The following FAM3B variants were observed in gnomAD, a reference collection of about 807,000 sequenced individuals.
FAM3B encodes the protein FAM3 metabolism regulating signaling molecule B.
Under a neutral mutation model 28.4 loss-of-function variants are expected in FAM3B, and 29 were observed. That is an observed-to-expected ratio of 1.02 (90% CI 0.76 to 1.39). The LOEUF (loss-of-function observed/expected upper bound fraction) is 1.39. Among genes scored for constraint, FAM3B ranks in the 40% most tolerant of loss-of-function variants. The pLI, the probability that FAM3B is intolerant of heterozygous loss-of-function variation, is 0.00. For missense variants in FAM3B, 266 were observed against 293.9 expected (o/e 0.91, Z 0.69); for synonymous variants, 91 against 103.0 (o/e 0.88, Z 0.71).
chr21:41,347,630 G>A (rs547876424), intron 6 of FAM3B, among the ~76,000 whole-genome samples: 5 of 151,952 alleles, frequency 3.3e-5, no homozygotes, highest in African/African-American at 1.2e-4. Flanking sequence ...GCATGCACCT[G>A]TAGTCCCAGC....
chr21:41,310,121 C>T (rs2088701560), intron 1 of FAM3B, among the ~76,000 whole-genome samples: 1 of 152,188 alleles, frequency 6.6e-6, no homozygotes, highest in Non-Finnish European at 1.5e-5. Flanking sequence ...CCTTGCTCAG[C>T]CTCAACATCT....
chr21:41,321,986 ACTT>A (rs1271575565), intron 1 of FAM3B, among the ~76,000 whole-genome samples: 1 of 149,816 alleles, frequency 6.7e-6, no homozygotes, highest in Non-Finnish European at 1.5e-5. Context: ...TCCTTCTCTT[ACTT>A]CTTAGGACTG....
chr21:41,309,370 A>G (rs1322285422), intron 1 of FAM3B, among the ~76,000 whole-genome samples: 2 of 152,026 alleles, frequency 1.3e-5, no homozygotes, highest in Admixed American at 6.5e-5. Flanking sequence ...TTTCCTTCCC[A>G]CAGTGGGTCA....
upstream of FAM3B, among the ~76,000 whole-genome samples, chr21:41,313,904 G>A (rs1042955050): frequency 2.6e-5 from 4 of 152,148 alleles, no homozygotes; most frequent in African/African-American, 4.8e-5. Flanking sequence ...TATATGGTTT[G>A]CTGCTATAAT....
At chr21:41,350,188 C>T (rs1355162443) in intron 7 of FAM3B, among the ~76,000 whole-genome samples, 1 of 152,208 alleles carries the variant, frequency 6.6e-6, no homozygotes, top group Non-Finnish European at 1.5e-5. Context: ...TCCAGCTTTC[C>T]TGCCTCCTCC....
exon 1 of FAM3B, chr21:41,304,242 C>G (rs1439876226): frequency 2.2e-6 from 1 of 455,760 alleles, no homozygotes; most frequent in East Asian, 7.0e-5. Context: ...TGGCTGGGCT[C>G]GGCGGGCATG....
At chr21:41,314,774 A>AG (rs921043217), upstream of FAM3B, among the ~76,000 whole-genome samples, 3 of 149,892 alleles carry the variant, frequency 2.0e-5, no homozygotes, top group African/African-American at 5.0e-5. Flanking sequence ...AAAAAAAAAA[A>AG]AGAGAGAGAT....
chr21:41,321,776 G>C (rs2088808820), intron 1 of FAM3B, among the ~76,000 whole-genome samples: 1 of 152,206 alleles, frequency 6.6e-6, no homozygotes. Context: ...ATGGGTCGGG[G>C]ACAGCTGCGC....
rs140583569 is a variant in FAM3B, at chr21:41,305,882, A to T, written n.99+1572A>T. Among the ~76,000 whole-genome samples, 24 of 152,330 alleles carry T rather than the reference A, an allele frequency of 1.6e-4. 1 individual carries two copies. The East Asian group carries it at 4.6e-3, about 29-fold the overall frequency. ...AAAGAAGACAACAATGAAGTTTGCCACATCAATTGACAAAAGGTTTCTCTG... is the reference window on the plus strand; with the variant it reads ...AAAGAAGACAACAATGAAGTTTGCCTCATCAATTGACAAAAGGTTTCTCTG... On this transcript the variant is annotated intron_variant and non_coding_transcript_variant, in intron 1 of 9. Coordinates refer to the FAM3B transcript ENST00000479810.
At chr21:41,306,189 T>C (rs1247562096) in intron 1 of FAM3B, among the ~76,000 whole-genome samples, 1 of 152,244 alleles carries the variant, frequency 6.6e-6, no homozygotes, top group African/African-American at 2.4e-5. Flanking sequence ...CCATTCTTAA[T>C]GCTAGTTCTC....
Position 41,338,399 on chromosome 21 carries a change from A to G in FAM3B, c.185A>G (p.Lys62Arg), listed in dbSNP as rs750089228. The stretch of plus-strand genomic sequence containing the variant: ...ACAGCTCCAGTCCCCAAAAGGCAAA[A>G]ATGTGACCACTGGACTCCCTGCCCA... Reference protein sequence around the residue: ...VLKAPVPKRQKCDHWTPCPSD... With the variant: ...VLKAPVPKRQRCDHWTPCPSD... The change falls in exon 3 of 8, where the codon AAA (lysine) becomes AGA (arginine). Residue 62 changes from lysine to arginine, a missense_variant. Physicochemically the swap from Lys to Arg is conservative, Grantham distance 26. Transcript: ENST00000357985. 5.0e-6 allele frequency: 8 copies of G among 1,614,168 alleles called. No homozygotes were observed. The highest frequency in any genetic ancestry group is 4.5e-5 in the East Asian group (2 of 44,878).
chr21:41,336,881 A>G (rs1238522429), intron 2 of FAM3B, among the ~76,000 whole-genome samples: 2 of 152,176 alleles, frequency 1.3e-5, no homozygotes, highest in Admixed American at 6.5e-5. Flanking sequence ...AACTGATGTA[A>G]ATATAGCTAT....
chr21:41,326,278 G>T lies in FAM3B; in HGVS notation c.163+3212G>T, dbSNP rs2088854228. Among the ~76,000 whole-genome samples the T allele has an allele frequency of 6.6e-6, 1 of 152,212 alleles. No homozygotes were observed. Among genetic ancestry groups the T allele is most frequent in the East Asian group, 1.9e-4 (1 of 5,200 alleles). ...AATCCCACACTGAGTTAGGAACATG[G>T]TCTTCTTTCTTCATTCACGTGGTGA... On this transcript the variant is annotated intron_variant, in intron 2 of 7. Coordinates refer to ENST00000357985, the MANE Select transcript of FAM3B (RefSeq NM_058186.4). The surrounding 1 kb of genome is among the most constrained non-coding windows in gnomAD (Gnocchi z 4.0).
chr21:41,310,432 G>A (rs753564584), intron 1 of FAM3B, among the ~76,000 whole-genome samples: 5 of 152,092 alleles, frequency 3.3e-5, no homozygotes, highest in Non-Finnish European at 5.9e-5. Context: ...CTGGATCTTT[G>A]CACTAGAATG....
chr21:41,352,820 T>TAAATAAATAAATAAATAAACAAAC (rs61423023), intron 7 of FAM3B, among the ~76,000 whole-genome samples: 18 of 149,996 alleles, frequency 1.2e-4, no homozygotes, highest in African/African-American at 4.2e-4. Context: ...AATAAATAAA[T>TAAATAAATAAATAAATAAACAAAC]AAATAAAGGA....
chr21:41,344,905 C>G (rs937563199), intron 4 of FAM3B, among the ~76,000 whole-genome samples: 20 of 152,202 alleles, frequency 1.3e-4, no homozygotes, highest in African/African-American at 4.6e-4. Flanking sequence ...CATAGACCAT[C>G]TCATCCTTCT....
At chr21:41,317,663 T>C (rs1010198332) in intron 1 of FAM3B, among the ~76,000 whole-genome samples, 2 of 152,096 alleles carry the variant, frequency 1.3e-5, no homozygotes, top group African/African-American at 2.4e-5. Context: ...AAATGGCAGG[T>C]TCAGAAGTGG....
intron 2 of FAM3B, among the ~76,000 whole-genome samples, chr21:41,333,988 A>G (rs1005204689): frequency 2.7e-4 from 41 of 152,216 alleles, no homozygotes; most frequent in Non-Finnish European, 4.8e-4. Flanking sequence ...CCCCTGACCT[A>G]GGGATCTGTG....
intron 5 of FAM3B, 33 bp downstream of exon 5, chr21:41,345,769 A>C (rs774979709): frequency 2.4e-6 from 3 of 1,275,478 alleles, no homozygotes; most frequent in Non-Finnish European, 2.3e-6. Context: ...AATTCAAATG[A>C]ATTTTAAACA....
Sources: gnomAD v4.1 joint callset for allele counts (sites outside exome capture counted in the v4.1 genomes callset) on GRCh38, gnomAD v4.1.1 for gene constraint, Gnocchi (gnomAD v3.1) non-coding constraint, MANE v1.5 for transcripts, NCBI Gene and HGNC (gene_info 2026-07-23, HGNC 2026-07-21) for gene names.